The following HGF variants were observed in gnomAD, a reference collection of about 807,000 sequenced individuals.
HGF encodes the protein fibroblast-derived tumor cytotoxic factor.
A neutral mutation model predicts 111.6 loss-of-function variants in HGF; 39 were observed. That is an observed-to-expected ratio of 0.35 (90% CI 0.27 to 0.46). The LOEUF (loss-of-function observed/expected upper bound fraction) is 0.46, where lower values mean the gene tolerates loss of function less well. Ranked by LOEUF, HGF falls within the 20% of genes least tolerant of loss-of-function variation. HGF has a pLI of 1.00. For synonymous variants in HGF, 285 were observed against 294.8 expected (o/e 0.97, Z 0.34); for missense variants, 735 against 910.5 (o/e 0.81, Z 2.48).
intron 9 of HGF, among the ~76,000 whole-genome samples, chr7:81,724,967 C>G (rs990088974): frequency 6.6e-6 from 1 of 152,164 alleles, no homozygotes; most frequent in African/African-American, 2.4e-5. Flanking sequence ...GGTGATTTCC[C>G]TCAAACCCCA....
At chr7:81,751,979 G>A (rs1788526861) in intron 5 of HGF, 141 bp downstream of exon 5, 2 of 1,454,098 alleles carry the variant, frequency 1.4e-6, no homozygotes, top group Non-Finnish European at 1.8e-6. Flanking sequence ...GTATAAAAAT[G>A]TTTAAATAAT....
chr7:81,722,052 T>C (rs1789879606), intron 9 of HGF, among the ~76,000 whole-genome samples: 1 of 152,202 alleles, frequency 6.6e-6, no homozygotes, highest in Non-Finnish European at 1.5e-5. Flanking sequence ...GTATTAGTAG[T>C]AGAAGTGCTA....
Position 81,705,870 on chromosome 7 carries a change from TAA to T in HGF, c.1758-119_1758-118del, listed in dbSNP as rs59876148. On this transcript the variant is annotated intron_variant, in intron 15 of 17. Coordinates refer to ENST00000222390, the MANE Select transcript of HGF (RefSeq NM_000601.6). ...TTACAGAGAATGAAGTCCTGTTTCT[TAA>T]AAAAAAAAAAAAAAAGGTGGGAATG... The T allele has an allele frequency of 0.18, 92,572 of 515,956 alleles. 20 individuals carry two copies. Among genetic ancestry groups the T allele is most frequent in the East Asian group, 0.23 (7,038 of 30,038 alleles). The allele number at this position is 515,956 out of a possible 1,614,324, so 32.0% of individuals were successfully genotyped here. A position where few individuals can be genotyped will look rare whatever the true frequency, so the allele number is the denominator to read the frequency against.
chr7:81,764,989 A>C (rs560804672), intron 1 of HGF, among the ~76,000 whole-genome samples: 1 of 152,110 alleles, frequency 6.6e-6, no homozygotes, highest in Non-Finnish European at 1.5e-5. Context: ...TGAAACAACT[A>C]TTCACCAAAA....
rs1479791997 is a variant in HGF, at chr7:81,712,117, A to G, written c.1406-598T>C. 2.0e-5 allele frequency among the ~76,000 whole-genome samples: 3 copies of G among 152,186 alleles called. No homozygotes were observed. In the East Asian group the frequency reaches 5.8e-4, roughly 29 times the overall value. ...CTCTCAGGTGTGTGTTTTGATGATC[A>G]TTGGCCATTTGAATTACATTGCCTT... is the stretch of plus-strand genomic sequence containing the variant. On this transcript the variant is annotated intron_variant, in intron 11 of 17. Transcript: ENST00000222390.
At chr7:81,765,018 G>A (rs116827581) in intron 1 of HGF, among the ~76,000 whole-genome samples, 3,559 of 151,902 alleles carry the variant, frequency 0.023, 126 homozygotes, top group African/African-American at 0.081. Flanking sequence ...TTTTATACAC[G>A]TATTTCTTAA....
intron 4 of HGF, among the ~76,000 whole-genome samples, chr7:81,752,832 T>C (rs1788570238): frequency 6.6e-6 from 1 of 152,080 alleles, no homozygotes; most frequent in South Asian, 2.1e-4. Context: ...CAGTAAGTAA[T>C]TTAGCTTCTC....
intron 11 of HGF, among the ~76,000 whole-genome samples, chr7:81,715,607 C>T (rs145887515): frequency 0.011 from 1,632 of 152,076 alleles, 32 homozygotes; most frequent in African/African-American, 0.036. Context: ...ATAGATGGAG[C>T]AGCTCCAAGT....
chr7:81,714,563 C>T (rs1017267460), intron 11 of HGF, among the ~76,000 whole-genome samples: 1 of 152,048 alleles, frequency 6.6e-6, no homozygotes, highest in African/African-American at 2.4e-5. Flanking sequence ...TTAACCACTA[C>T]GCTCTTGGTA....
chr7:81,747,541 A>G (rs942001629), intron 5 of HGF, among the ~76,000 whole-genome samples: 1 of 152,226 alleles, frequency 6.6e-6, no homozygotes, highest in Non-Finnish European at 1.5e-5. Flanking sequence ...AAAATAAATA[A>G]ATAAAAGTTA....
In HGF at chr7:81,758,705, G is replaced by C. The variant is rs769553578; in HGVS notation, c.354C>G (p.Leu118=). 1.9e-6 allele frequency: 3 copies of C among 1,592,114 alleles called. No homozygotes were observed. In the East Asian group the frequency reaches 6.7e-5, roughly 36 times the overall value. Residue 118 remains leucine, a synonymous_variant, in exon 3 of 18, where the codon CTC becomes CTG. Transcript: ENST00000222390. ...VKKEFGHEFD[L]YENKDYIRNC... ...GAAGTCAGTTACCTTTGTTTTCATA[G>C]AGGTCAAATTCATGGCCAAATTCTT...
intron 13 of HGF, 104 bp downstream of exon 13, chr7:81,710,043 T>A: frequency 1.2e-6 from 1 of 800,940 alleles, no homozygotes. Flanking sequence ...CCAGGTGCCC[T>A]GTGGAGGGTA....
intron 11 of HGF, among the ~76,000 whole-genome samples, chr7:81,714,390 C>T (rs1276608709): frequency 2.6e-5 from 4 of 152,070 alleles, no homozygotes; most frequent in African/African-American, 9.7e-5. Context: ...GGTTTTGACT[C>T]TTTACTATGC....
chr7:81,741,817 A>G (rs1788014788), intron 7 of HGF, among the ~76,000 whole-genome samples: 1 of 151,848 alleles, frequency 6.6e-6, no homozygotes, highest in South Asian at 2.1e-4. Context: ...GCATGCCTGT[A>G]ATCCCAGCTT....
chr7:81,751,290 C>T (rs1788486345), intron 5 of HGF: 1 of 984,992 alleles, frequency 1.0e-6, no homozygotes, highest in East Asian at 1.1e-4. Context: ...CCATGTTTCA[C>T]TTAGATTTTT....
rs754474625 is a variant in HGF at position 81,758,727 on chromosome 7, T to A, written c.332A>T (p.Glu111Val). The change falls in exon 3 of 18, where the codon GAA becomes GTA. Residue 111 changes from glutamate to valine, a missense_variant. Physicochemically the swap from Glu to Val is moderately radical, Grantham distance 121. This residue lies in a region of HGF where 553 missense variants were observed against 685.6 expected (regional missense o/e 0.81). Transcript: ENST00000222390. ...FNSMSSGVKK[E>V]FGHEFDLYEN... The stretch of plus-strand genomic sequence containing the variant: ...ATAGAGGTCAAATTCATGGCCAAAT[T>A]CTTTTTTCACTCCACTTGACATGCT... The A allele has an allele frequency of 6.2e-7, 1 of 1,612,858 alleles. No individual in the cohort carries two copies. Among genetic ancestry groups the A allele is most frequent in the Non-Finnish European group, 8.5e-7 (1 of 1,179,100 alleles).
intron 17 of HGF, 101 bp downstream of exon 17, chr7:81,705,289 G>T (rs1789391583): frequency 1.8e-6 from 2 of 1,104,280 alleles, no homozygotes; most frequent in Non-Finnish European, 1.4e-6. Context: ...GAATAGGTTG[G>T]TATACAATAT....
intron 6 of HGF, among the ~76,000 whole-genome samples, chr7:81,744,767 T>C (rs1788160456): frequency 6.6e-6 from 1 of 152,206 alleles, no homozygotes; most frequent in Non-Finnish European, 1.5e-5. Context: ...GGCTATGTAG[T>C]CAGTGTTCTC....
chr7:81,711,619 G>A, intron 11 of HGF, 100 bp from the exon 12 acceptor site: 1 of 550,448 alleles, frequency 1.8e-6, no homozygotes, highest in East Asian at 3.2e-5. Flanking sequence ...AATGAATTCA[G>A]TAATTTACTA....
Sources: gnomAD v4.1 joint callset for allele counts (sites outside exome capture counted in the v4.1 genomes callset) on GRCh38, gnomAD v4.1.1 for gene constraint, gnomAD v4.1.1 regional missense constraint, MANE v1.5 for transcripts, NCBI Gene and HGNC (gene_info 2026-07-23, HGNC 2026-07-21) for gene names.